ARHGEF10L: variants seen among roughly 807,000 people sequenced by gnomAD.
The protein encoded by ARHGEF10L is Rho guanine nucleotide exchange factor 10 like, also known as rho guanine nucleotide exchange factor 10-like protein.
In ARHGEF10L, 69 loss-of-function variants were observed where a neutral mutation model predicts 141.2. The observed-to-expected ratio is 0.49, with a 90% CI of 0.40 to 0.60. ARHGEF10L has a LOEUF of 0.60. Ranked by LOEUF, ARHGEF10L falls within the 20% of genes least tolerant of loss-of-function variation. The pLI is 0.00. For synonymous variants in ARHGEF10L, 711 were observed against 718.5 expected, an observed-to-expected ratio of 0.99 and a Z score of 0.17; for missense variants, 1,482 against 1,734.3, an observed-to-expected ratio of 0.85 and a Z score of 2.58.
intron 4 of ARHGEF10L, among the ~76,000 whole-genome samples, chr1:17,590,422 C>T (rs2079430680): frequency 6.6e-6 from 1 of 152,064 alleles, no homozygotes; most frequent in Admixed American, 6.5e-5. Flanking sequence ...CTTCCCTTGA[C>T]ATGAGAGCAG....
At chr1:17,663,501 C>A (rs568113091) in intron 25 of ARHGEF10L, among the ~76,000 whole-genome samples, 1 of 151,460 alleles carries the variant, frequency 6.6e-6, no homozygotes, top group East Asian at 1.9e-4. Flanking sequence ...TTGCAGTGAG[C>A]CAAGACTATG....
At chr1:17,524,446 C>T in the ARHGEF10L span, among the ~76,000 whole-genome samples, 3 of 149,574 alleles carry the variant, frequency 2.0e-5, no homozygotes, top group Non-Finnish European at 4.4e-5. Context: ...TGGTGGCTCG[C>T]CTGTAGTCCC....
At chr1:17,527,048 CTCT>C in the ARHGEF10L span, among the ~76,000 whole-genome samples, 1 of 152,174 alleles carries the variant, frequency 6.6e-6, no homozygotes, top group Non-Finnish European at 1.5e-5. Flanking sequence ...TAGCCTTTTT[CTCT>C]TCTTCATTTT....
At chr1:17,661,553 G>A (rs1471137406) in intron 25 of ARHGEF10L, among the ~76,000 whole-genome samples, 1 of 152,184 alleles carries the variant, frequency 6.6e-6, no homozygotes. Context: ...CTTCCACAGC[G>A]AGGCTCTGTT....
In ARHGEF10L at chr1:17,573,243, T is replaced by G. The variant is rs2078080489; in HGVS notation, c.-43-7310T>G. Among the ~76,000 whole-genome samples the G allele has an allele frequency of 6.6e-6, 1 of 152,164 alleles. No individual in the cohort carries two copies. Among genetic ancestry groups the G allele is most frequent in the South Asian group, 2.1e-4 (1 of 4,834 alleles). ...CTGCAGCCTAAACACACTCTCATGC[T>G]AAGTGGCGAGGGCCCAGCAGCGAGG... is the stretch of plus-strand genomic sequence containing the variant. On this transcript the variant is annotated intron_variant, in intron 1 of 28. Coordinates refer to ENST00000361221, the MANE Select transcript of ARHGEF10L (RefSeq NM_018125.4). The surrounding 1 kb of genome is among the most constrained non-coding windows in gnomAD (Gnocchi z 4.8).
chr1:17,590,745 G>A (rs1329484865), intron 4 of ARHGEF10L, among the ~76,000 whole-genome samples: 4 of 152,132 alleles, frequency 2.6e-5, no homozygotes. Context: ...CCAGCACTTT[G>A]GGAAGTCAAG....
intron 26 of ARHGEF10L, among the ~76,000 whole-genome samples, chr1:17,687,286 TG>T (rs529629984): frequency 4.3e-4 from 65 of 152,340 alleles, no homozygotes; most frequent in Non-Finnish European, 8.5e-4. Flanking sequence ...GATATCATGC[TG>T]GTAGTTTGCA....
At chr1:17,616,671 C>T (rs935416248) in intron 9 of ARHGEF10L, among the ~76,000 whole-genome samples, 8 of 152,224 alleles carry the variant, frequency 5.3e-5, no homozygotes, top group Admixed American at 2.0e-4. Context: ...GTTGGCACAG[C>T]GCGGGAGACA....
chr1:17,603,415 C>G lies in ARHGEF10L; in HGVS notation c.350-93C>G. On this transcript the variant is annotated intron_variant, in intron 5 of 28. Transcript: ENST00000361221. The surrounding 1 kb of genome is among the most constrained non-coding windows in gnomAD (Gnocchi z 4.8). Reference sequence around the variant, plus strand: ...TATCAGAAAGGAGGGTGCTGCGTGCCACCAGCTGGTGCAGTCCTGATGTCA... The same window carrying G: ...TATCAGAAAGGAGGGTGCTGCGTGCGACCAGCTGGTGCAGTCCTGATGTCA... 1.0e-6 allele frequency: 1 copy of G among 957,360 alleles called. No individual in the cohort carries two copies. Among genetic ancestry groups the G allele is most frequent in the Middle Eastern group, 2.4e-4 (1 of 4,096 alleles). 59.3% of individuals were successfully genotyped at this position (957,360 alleles called of 1,614,324 possible). A position where few individuals can be genotyped will look rare whatever the true frequency, so the allele number is the denominator to read the frequency against.
chr1:17,678,629 G>C (rs2063878265), intron 26 of ARHGEF10L, among the ~76,000 whole-genome samples: 1 of 152,176 alleles, frequency 6.6e-6, no homozygotes. Flanking sequence ...ACGTTGGCCA[G>C]GCTGGTTTTG....
At chr1:17,614,369 C>A (rs532491176) in intron 8 of ARHGEF10L, among the ~76,000 whole-genome samples, 10 of 152,224 alleles carry the variant, frequency 6.6e-5, no homozygotes, top group Admixed American at 2.6e-4. Context: ...GCCTTTCCCC[C>A]GCTTCGGCCA....
chr1:17,647,365 G>A (rs543670761), intron 21 of ARHGEF10L, among the ~76,000 whole-genome samples: 79 of 152,272 alleles, frequency 5.2e-4, no homozygotes, highest in African/African-American at 1.3e-3. Context: ...CATAGACGGC[G>A]GCGCTCAGTG....
At chr1:17,651,687 C>T (rs996433076) in intron 22 of ARHGEF10L, among the ~76,000 whole-genome samples, 1 of 152,164 alleles carries the variant, frequency 6.6e-6, no homozygotes, top group African/African-American at 2.4e-5. Context: ...GCTCTCAGGG[C>T]CCAGGAATAT....
At chr1:17,559,508 G>A (rs1053743361) in intron 1 of ARHGEF10L, among the ~76,000 whole-genome samples, 7 of 152,172 alleles carry the variant, frequency 4.6e-5, no homozygotes, top group Admixed American at 6.5e-5. Flanking sequence ...ACCCCCCAGG[G>A]CCGCTGGGAG....
chr1:17,590,357 C>T (rs971390867), intron 4 of ARHGEF10L, among the ~76,000 whole-genome samples: 12 of 151,970 alleles, frequency 7.9e-5, no homozygotes, highest in Non-Finnish European at 1.0e-4. Flanking sequence ...TTCCATAGGT[C>T]CCTCCCGGGG....
At position 17,624,502 on chromosome 1, in the gene ARHGEF10L, AGGTGGGCCTCCAT is replaced by A. The variant is rs1235655130; in HGVS notation, c.1317+5_1317+17del. 6.2e-7 allele frequency: 1 copy of A among 1,613,222 alleles called. No individual in the cohort carries two copies. The highest frequency in any genetic ancestry group is 8.5e-7 in the Non-Finnish European group (1 of 1,179,258). On this transcript the variant is annotated splice_donor_variant and splice_donor_5th_base_variant and coding_sequence_variant and intron_variant, in exon 13 of 29. Coordinates refer to ENST00000361221, the MANE Select transcript of ARHGEF10L (RefSeq NM_018125.4). LOFTEE classifies it high-confidence loss of function. ...AAGCCTGCCTTCCTCGAGTTCCTCA[AGGTGGGCCTCCAT>A]GGTGGTACCGTGCCTGGTCAGGGTG...
Position 17,587,364 on chromosome 1 carries a change from T to C in ARHGEF10L, c.38-96T>C, listed in dbSNP as rs539425524. 5 of 1,265,620 alleles carry C rather than the reference T, an allele frequency of 4.0e-6. No individual in the cohort carries two copies. The South Asian group carries it at 5.8e-5, about 15-fold the overall frequency. The allele number at this position is 1,265,620 out of a possible 1,614,324, so 78.4% of individuals were successfully genotyped here. A position where few individuals can be genotyped will look rare whatever the true frequency, so the allele number is the denominator to read the frequency against. On this transcript the variant is annotated intron_variant, in intron 2 of 28. Transcript: ENST00000361221. ...ATTCCCTGGCTCAGACCTGAGGTGC[T>C]CACCCAGTTCCAGCCATGCCCACCT...
At chr1:17,630,101 G>A (rs1008578835) in intron 15 of ARHGEF10L, among the ~76,000 whole-genome samples, 2 of 152,218 alleles carry the variant, frequency 1.3e-5, no homozygotes, top group African/African-American at 4.8e-5. Context: ...GGTGGAGGCC[G>A]CACCCTGGGC....
chr1:17,646,262 G>C (rs950674757), intron 21 of ARHGEF10L, among the ~76,000 whole-genome samples: 2 of 152,188 alleles, frequency 1.3e-5, no homozygotes, highest in Admixed American at 1.3e-4. Context: ...GGGCAGTGAC[G>C]GCATGAGGGC....
Sources: allele counts gnomAD v4.1 joint callset (sites outside exome capture counted in the v4.1 genomes callset), GRCh38; gene constraint gnomAD v4.1.1; non-coding constraint Gnocchi (gnomAD v3.1); transcripts MANE v1.5; gene names NCBI Gene and HGNC (gene_info 2026-07-23, HGNC 2026-07-21).